NUP93: variants seen among roughly 807,000 people sequenced by gnomAD.
The protein encoded by NUP93 is nucleoporin 93.
A neutral mutation model predicts 107.8 loss-of-function variants in NUP93; 55 were observed. The ratio of observed to expected loss-of-function variants is 0.51; its 90% confidence interval spans 0.41 to 0.64. The LOEUF (loss-of-function observed/expected upper bound fraction) is 0.64. Among genes scored for constraint, NUP93 ranks in the 30% least tolerant of loss-of-function variants. The probability of loss-of-function intolerance (pLI) is 0.00; values close to 1 mark genes in which losing one functional copy is unlikely to be tolerated. For synonymous variants in NUP93, 390 were observed against 397.5 expected (o/e 0.98, Z 0.22); for missense variants, 937 against 1,044.7 (o/e 0.90, Z 1.42).
At chr16:56,813,597 T>C (rs1468232509) in intron 5 of NUP93, among the ~76,000 whole-genome samples, 2 of 152,184 alleles carry the variant, frequency 1.3e-5, no homozygotes, top group Admixed American at 6.5e-5. Context: ...AGTAGAGGAA[T>C]GTAGACCCAC....
chr16:56,816,963 G>C (rs1020287778), intron 5 of NUP93, among the ~76,000 whole-genome samples: 2 of 152,116 alleles, frequency 1.3e-5, no homozygotes, highest in Non-Finnish European at 2.9e-5. Flanking sequence ...GCCGTTGAAA[G>C]TAATGGCAAA....
intron 5 of NUP93, among the ~76,000 whole-genome samples, chr16:56,807,778 G>A (rs2144578124): frequency 6.6e-6 from 1 of 151,848 alleles, no homozygotes; most frequent in East Asian, 1.9e-4. Context: ...ATCCCAGCAT[G>A]TTGGGAGGCC....
In NUP93 at chr16:56,839,786, A is replaced by T. The variant is rs150679508; in HGVS notation, c.2220+182A>T. 89 of 581,516 alleles carry T rather than the reference A, an allele frequency of 1.5e-4. No homozygotes were observed. In the African/African-American group the frequency reaches 1.6e-3, roughly 10 times the overall value. 36.0% of individuals were successfully genotyped at this position (581,516 alleles called of 1,614,324 possible). A position where few individuals can be genotyped will look rare whatever the true frequency, so the allele number is the denominator to read the frequency against. ...CTTTTCTGTGAGTGCATACATCCCC[A>T]TCAGATTATTGTCTGAATTCCTAAT... On this transcript the variant is annotated intron_variant, in intron 20 of 21. Coordinates refer to ENST00000308159, the MANE Select transcript of NUP93 (RefSeq NM_014669.5).
At chr16:56,811,813 T>C (rs1963321964) in intron 5 of NUP93, among the ~76,000 whole-genome samples, 1 of 152,214 alleles carries the variant, frequency 6.6e-6, no homozygotes. Context: ...GTAAGGAATG[T>C]AGACTATGTA....
intron 5 of NUP93, among the ~76,000 whole-genome samples, chr16:56,807,075 C>T (rs1963158844): frequency 6.6e-6 from 1 of 152,206 alleles, no homozygotes; most frequent in Admixed American, 6.5e-5. Flanking sequence ...ATGTGGGTCC[C>T]TACATGACAT....
intron 3 of NUP93, 34 bp downstream of exon 3, chr16:56,758,689 CA>C (rs753315310): frequency 6.8e-7 from 1 of 1,471,830 alleles, no homozygotes; most frequent in Non-Finnish European, 9.5e-7. Context: ...GAACCCAGAG[CA>C]TATAACCCAG....
chr16:56,759,668 A>G (rs970422655), intron 3 of NUP93, among the ~76,000 whole-genome samples: 1 of 152,116 alleles, frequency 6.6e-6, no homozygotes, highest in Non-Finnish European at 1.5e-5. Flanking sequence ...TAATCTTGAA[A>G]TGGCATGTAT....
In NUP93 at chr16:56,775,718, A is replaced by AG. The variant is rs1331662421; in HGVS notation, c.297+17063_297+17064insG. Among the ~76,000 whole-genome samples the AG allele has an allele frequency of 2.0e-5, 3 of 152,124 alleles. No individual in the cohort carries two copies. In the East Asian group the frequency reaches 5.8e-4, roughly 29 times the overall value. On this transcript the variant is annotated intron_variant, in intron 3 of 21. Transcript: ENST00000308159. ...AAATCAGCCTGTTTTTCCCAAAAAAATGTTAGAATTGCAGATCCTTGTGCC... is the reference window on the plus strand; with the variant it reads ...AAATCAGCCTGTTTTTCCCAAAAAAAGTGTTAGAATTGCAGATCCTTGTGCC...
chr16:56,840,738 A>C (rs1447644725), intron 20 of NUP93, among the ~76,000 whole-genome samples: 2 of 152,182 alleles, frequency 1.3e-5, no homozygotes, highest in African/African-American at 4.8e-5. Context: ...GCTCACACCT[A>C]TAATCCCAAC....
intron 5 of NUP93, among the ~76,000 whole-genome samples, chr16:56,818,360 A>T (rs1038114103): frequency 6.6e-6 from 1 of 152,222 alleles, no homozygotes; most frequent in Non-Finnish European, 1.5e-5. Flanking sequence ...GGGGCTTGAG[A>T]TTCAAACAGA....
At chr16:56,837,763 G>C in intron 18 of NUP93, 37 bp downstream of exon 18, 10 of 1,493,710 alleles carry the variant, frequency 6.7e-6, no homozygotes, top group South Asian at 1.1e-5. Flanking sequence ...CCCTGAGGGT[G>C]CCACTGCCAG....
At chr16:56,826,539 C>T (rs1350434415) in intron 8 of NUP93, among the ~76,000 whole-genome samples, 1 of 150,720 alleles carries the variant, frequency 6.6e-6, no homozygotes, top group East Asian at 1.9e-4. Context: ...AAAACAACTT[C>T]CAATGATGGG....
chr16:56,762,168 T>C (rs1446568659), intron 3 of NUP93, among the ~76,000 whole-genome samples: 2 of 152,172 alleles, frequency 1.3e-5, no homozygotes, highest in Non-Finnish European at 2.9e-5. Flanking sequence ...ACTTCTGTCT[T>C]TGGAGAAAAA....
chr16:56,835,601 A>G (rs1963892178), intron 16 of NUP93, among the ~76,000 whole-genome samples: 1 of 152,228 alleles, frequency 6.6e-6, no homozygotes, highest in Non-Finnish European at 1.5e-5. Context: ...CTAGAAACAT[A>G]GATAAGACCT....
At position 56,808,723 on chromosome 16, in the gene NUP93, ATAAATACATATAT is replaced by A. The variant is rs1427901200; in HGVS notation, c.489+3092_489+3104del. Among the ~76,000 whole-genome samples, 11 of 29,806 alleles carry A rather than the reference ATAAATACATATAT, an allele frequency of 3.7e-4. No homozygotes were observed. In the African/African-American group the frequency reaches 4.0e-3, roughly 11 times the overall value. The allele number at this position is 29,806 out of a possible 152,430, so 19.6% of individuals were successfully genotyped here. A position where few individuals can be genotyped will look rare whatever the true frequency, so the allele number is the denominator to read the frequency against. On this transcript the variant is annotated intron_variant, in intron 5 of 21. Transcript: ENST00000308159. ...TATAAAAATACATATATAAATATAT[ATAAATACATATAT>A]AAAATACATATATAAATATATAAAA...
At chr16:56,806,169 C>T (rs1176228562) in intron 5 of NUP93, among the ~76,000 whole-genome samples, 1 of 151,196 alleles carries the variant, frequency 6.6e-6, no homozygotes, top group Admixed American at 6.6e-5. Flanking sequence ...ACAGAGTTCC[C>T]TATCTTTATA....
rs369246873 is a variant in NUP93 at position 56,806,218 on chromosome 16, C to A, written c.489+586C>A. On this transcript the variant is annotated intron_variant, in intron 5 of 21. Transcript: ENST00000308159. ...GTTTTTCACTTGCTCAGATCAGACA[C>A]CTCAGCCTCACTTTTGTCCTCTCCA... is the stretch of plus-strand genomic sequence containing the variant. 2.0e-5 allele frequency among the ~76,000 whole-genome samples: 3 copies of A among 151,646 alleles called. No homozygotes were observed. The East Asian group carries it at 5.8e-4, about 29-fold the overall frequency.
At position 56,805,546 on chromosome 16, in the gene NUP93, G is replaced by A; in HGVS notation, c.403G>A (p.Val135Ile). ...GGAGTACCATCGGGAGTCAATGTTGGTTGAGTGGGAGCAAGTGAAACAGCG... is the reference window on the plus strand; with the variant it reads ...GGAGTACCATCGGGAGTCAATGTTGATTGAGTGGGAGCAAGTGAAACAGCG... Reference protein sequence around the residue: ...AEEYHRESMLVEWEQVKQRIL... With the variant: ...AEEYHRESMLIEWEQVKQRIL... Residue 135 changes from valine (V) to isoleucine (I), a missense_variant, in exon 5 of 22, where the codon GTT (valine) becomes ATT (isoleucine). Transcript: ENST00000308159. The A allele has an allele frequency of 1.2e-6, 2 of 1,614,068 alleles. No individual in the cohort carries two copies. Among genetic ancestry groups the A allele is most frequent in the Non-Finnish European group, 1.7e-6 (2 of 1,180,002 alleles).
chr16:56,832,204 C>A, intron 11 of NUP93, 91 bp from the exon 12 acceptor site: 2 of 1,275,818 alleles, frequency 1.6e-6, no homozygotes, highest in African/African-American at 1.5e-5. Context: ...TAGCTGACAT[C>A]ATTGAGCATG....
Sources: gnomAD v4.1 joint callset for allele counts (sites outside exome capture counted in the v4.1 genomes callset) on GRCh38, gnomAD v4.1.1 for gene constraint, MANE v1.5 for transcripts, NCBI Gene and HGNC (gene_info 2026-07-23, HGNC 2026-07-21) for gene names.